The following ESRRG variants were observed in gnomAD, a reference collection of about 807,000 sequenced individuals.
ESRRG encodes the protein estrogen related receptor gamma, also known as estrogen-related receptor gamma.
Under a neutral mutation model 44.0 loss-of-function variants are expected in ESRRG, and 13 were observed. The observed-to-expected ratio is 0.30, with a 90% CI of 0.19 to 0.47. ESRRG has a LOEUF of 0.47. ESRRG is among the 20% of genes least tolerant of loss of function. ESRRG has a pLI of 1.00. For missense variants in ESRRG, 395 were observed against 580.6 expected, an observed-to-expected ratio of 0.68 and a Z score of 3.29; for synonymous variants, 215 against 214.6, an observed-to-expected ratio of 1.00 and a Z score of -0.02.
At chr1:216,723,496 A>T, upstream of ESRRG, 4 of 572,416 alleles carry the variant, frequency 7.0e-6, no homozygotes, top group South Asian at 8.7e-5. Flanking sequence ...AGGGCTTTAC[A>T]TATGCAGTCC....
chr1:216,526,749 A>G (rs1440335290), intron 5 of ESRRG, among the ~76,000 whole-genome samples: 2 of 152,174 alleles, frequency 1.3e-5, no homozygotes, highest in Admixed American at 6.5e-5. Flanking sequence ...TAACAAACCG[A>G]GCTAATCATG....
At chr1:216,932,199 A>C (rs1239763381) in intron 2 of ESRRG, among the ~76,000 whole-genome samples, 1 of 152,180 alleles carries the variant, frequency 6.6e-6, no homozygotes, top group African/African-American at 2.4e-5. Context: ...GTGAAACTCC[A>C]TCTTTGGGGG....
intron 2 of ESRRG, among the ~76,000 whole-genome samples, chr1:216,928,970 T>C (rs2062951492): frequency 1.3e-5 from 2 of 152,166 alleles, no homozygotes; most frequent in African/African-American, 2.4e-5. Flanking sequence ...ATGGGAATTA[T>C]TGTTGAATAG....
At chr1:216,705,408 C>G (rs2082261013) in intron 1 of ESRRG, among the ~76,000 whole-genome samples, 1 of 151,870 alleles carries the variant, frequency 6.6e-6, no homozygotes, top group Admixed American at 6.6e-5. Context: ...TGTGTTATCC[C>G]CACTATAAAA....
At chr1:216,736,588 A>G (rs1465984929) in intron 2 of ESRRG, among the ~76,000 whole-genome samples, 1 of 152,158 alleles carries the variant, frequency 6.6e-6, no homozygotes, top group Non-Finnish European at 1.5e-5. Flanking sequence ...TCTTTCTCAG[A>G]GAAGCAAGAG....
chr1:216,986,285 G>A (rs913021108), intron 1 of ESRRG, among the ~76,000 whole-genome samples: 6 of 152,090 alleles, frequency 3.9e-5, no homozygotes, highest in South Asian at 4.1e-4. Context: ...AGTTATTCCC[G>A]TGTAGGAATA....
intron 1 of ESRRG, among the ~76,000 whole-genome samples, chr1:217,081,509 G>A (rs550797294): frequency 6.6e-6 from 1 of 152,242 alleles, no homozygotes; most frequent in Admixed American, 6.5e-5. Context: ...TCACAGGTGT[G>A]AGCCGCCGTG....
intron 6 of ESRRG, among the ~76,000 whole-genome samples, chr1:216,516,090 G>A (rs1038371531): frequency 6.6e-5 from 10 of 151,994 alleles, no homozygotes; most frequent in African/African-American, 2.4e-4. Flanking sequence ...TTGTGACCTA[G>A]AGTTTTCTTT....
At chr1:216,976,896 G>A (rs925200663) in intron 1 of ESRRG, among the ~76,000 whole-genome samples, 1 of 152,128 alleles carries the variant, frequency 6.6e-6, no homozygotes, top group Non-Finnish European at 1.5e-5. Context: ...AGAGGGAAAA[G>A]AAGTGAATTT....
chr1:216,881,816 G>A (rs2096452969), intron 2 of ESRRG, among the ~76,000 whole-genome samples: 1 of 152,116 alleles, frequency 6.6e-6, no homozygotes, highest in African/African-American at 2.4e-5. Context: ...AAGATTTATG[G>A]CATAAATCTA....
At chr1:217,009,690 C>A (rs1302138690) in intron 1 of ESRRG, among the ~76,000 whole-genome samples, 1 of 146,068 alleles carries the variant, frequency 6.8e-6, no homozygotes, top group African/African-American at 2.5e-5. Flanking sequence ...GTATAGTTTC[C>A]TTTTTCTTTT....
At chr1:216,580,235 T>G (rs564776583) in intron 3 of ESRRG, among the ~76,000 whole-genome samples, 1 of 152,326 alleles carries the variant, frequency 6.6e-6, no homozygotes, top group African/African-American at 2.4e-5. Context: ...TTTGTTTTTC[T>G]TTTGGTAATT....
chr1:217,071,128 T>C (rs1429687204), intron 1 of ESRRG, among the ~76,000 whole-genome samples: 1 of 152,236 alleles, frequency 6.6e-6, no homozygotes, highest in Non-Finnish European at 1.5e-5. Context: ...GTGATATTTC[T>C]GTGATTATTA....
intron 2 of ESRRG, among the ~76,000 whole-genome samples, chr1:216,838,330 T>C (rs1174548408): frequency 6.6e-6 from 1 of 152,216 alleles, no homozygotes; most frequent in Non-Finnish European, 1.5e-5. Flanking sequence ...TTTTTCAGTC[T>C]ATAAAAGTGT....
rs367784427 is a variant in ESRRG, at chr1:217,130,932, C to T, written c.-230+6735G>A. Among the ~76,000 whole-genome samples the T allele has an allele frequency of 2.5e-4, 38 of 152,050 alleles. 1 individual carries two copies. The South Asian group carries it at 7.9e-3, about 32-fold the overall frequency. On this transcript the variant is annotated intron_variant, in intron 1 of 8. Transcript: ENST00000366940. Reference sequence around the variant, plus strand: ...TTAAGACGTTAGCAATAAAATATAGCTTAAATAAATGGATCAGTAGAATAT... The same window carrying T: ...TTAAGACGTTAGCAATAAAATATAGTTTAAATAAATGGATCAGTAGAATAT...
chr1:216,775,369 A>G (rs1380884800), intron 2 of ESRRG, among the ~76,000 whole-genome samples: 1 of 151,842 alleles, frequency 6.6e-6, no homozygotes, highest in Non-Finnish European at 1.5e-5. Flanking sequence ...CTTCGACCAT[A>G]TAACAAGTGG....
chr1:216,758,535 A>AT (rs10718959), intron 2 of ESRRG, among the ~76,000 whole-genome samples: 26 of 149,704 alleles, frequency 1.7e-4, no homozygotes, highest in East Asian at 4.0e-4. Context: ...TGAGTCCAGA[A>AT]TTTTTTTTTT....
chr1:216,617,464 T>C (rs1002794953), intron 3 of ESRRG, among the ~76,000 whole-genome samples: 8 of 151,566 alleles, frequency 5.3e-5, no homozygotes, highest in African/African-American at 1.7e-4. Flanking sequence ...ATAGGCATAT[T>C]AGATGTAACA....
intron 2 of ESRRG, among the ~76,000 whole-genome samples, chr1:216,855,963 T>C (rs1376866174): frequency 6.6e-6 from 1 of 152,210 alleles, no homozygotes; most frequent in East Asian, 1.9e-4. Flanking sequence ...CCTCCAGTGC[T>C]GCACAGTGAT....
Sources: gnomAD v4.1 joint callset for allele counts (sites outside exome capture counted in the v4.1 genomes callset) on GRCh38, gnomAD v4.1.1 for gene constraint, MANE v1.5 for transcripts, NCBI Gene and HGNC (gene_info 2026-07-23, HGNC 2026-07-21) for gene names.